QPCT: variants seen among roughly 807,000 people sequenced by gnomAD.
QPCT encodes glutaminyl-peptide cyclotransferase, also known as EC.
Under a neutral mutation model 43.4 loss-of-function variants are expected in QPCT, and 44 were observed. The ratio of observed to expected loss-of-function variants is 1.01; its 90% confidence interval spans 0.80 to 1.30. QPCT has a LOEUF of 1.30. Ranked by LOEUF, QPCT falls within the 50% of genes most tolerant of loss-of-function variation. The pLI is 0.00. For missense variants in QPCT, 526 were observed against 436.5 expected (o/e 1.21, Z -1.83); for synonymous variants, 168 against 168.4 (o/e 1.00, Z 0.02).
chr2:37,345,252 G>A (rs1039867747), intron 1 of QPCT, among the ~76,000 whole-genome samples: 4 of 152,230 alleles, frequency 2.6e-5, no homozygotes, highest in South Asian at 2.1e-4. Flanking sequence ...GGTGCGGGGT[G>A]CGCCTGGGGG....
At chr2:37,356,925 T>A (rs1169926398) in intron 2 of QPCT, among the ~76,000 whole-genome samples, 8 of 151,296 alleles carry the variant, frequency 5.3e-5, no homozygotes, top group African/African-American at 9.8e-5. Flanking sequence ...AGAATTTGCT[T>A]GAACCAGGGA....
At chr2:37,367,461 A>C in intron 4 of QPCT, 53 bp downstream of exon 4, 1 of 1,544,322 alleles carries the variant, frequency 6.5e-7, no homozygotes, top group Non-Finnish European at 8.8e-7. Context: ...GCTTCCAAGG[A>C]AAAGGTTGCA....
chr2:37,361,214 T>C (rs1672852089), intron 3 of QPCT, among the ~76,000 whole-genome samples: 1 of 152,226 alleles, frequency 6.6e-6, no homozygotes, highest in African/African-American at 2.4e-5. Context: ...CTTCCAGTTA[T>C]ATGTTTTAAC....
chr2:37,366,010 G>T (rs540699115), intron 3 of QPCT, among the ~76,000 whole-genome samples: 7 of 152,320 alleles, frequency 4.6e-5, no homozygotes, highest in Non-Finnish European at 7.4e-5. Context: ...TTTTTGCCAT[G>T]AAAGTTTGAC....
intron 3 of QPCT, among the ~76,000 whole-genome samples, chr2:37,360,443 T>C (rs1403081100): frequency 6.6e-6 from 1 of 152,238 alleles, no homozygotes; most frequent in Non-Finnish European, 1.5e-5. Flanking sequence ...GACTCTCAGA[T>C]GTTATTTCAG....
chr2:37,344,773 CCTG>C lies in QPCT; in HGVS notation c.52_54del (p.Leu18del), dbSNP rs754764043. 4 of 1,609,546 alleles carry C rather than the reference CCTG, an allele frequency of 2.5e-6. No individual in the cohort carries two copies. Among genetic ancestry groups the C allele is most frequent in the African/African-American group, 1.3e-5 (1 of 74,838 alleles). On this transcript the variant is annotated inframe_deletion, in exon 1 of 7. Coordinates refer to ENST00000338415, the MANE Select transcript of QPCT (RefSeq NM_012413.4). ...ACCGGCGCGTCGTGGGCACCCTCCA[CCTG>C]CTGCTGCTGGTGGCCGCCCTGCCCT...
At chr2:37,365,258 T>C (rs1672939699) in intron 3 of QPCT, among the ~76,000 whole-genome samples, 1 of 152,030 alleles carries the variant, frequency 6.6e-6, no homozygotes, top group South Asian at 2.1e-4. Flanking sequence ...CCATTAGTGC[T>C]AAGGTAGGAG....
intron 1 of QPCT, among the ~76,000 whole-genome samples, chr2:37,345,794 C>T (rs533511007): frequency 6.6e-6 from 1 of 150,600 alleles, no homozygotes; most frequent in Non-Finnish European, 1.5e-5. Flanking sequence ...CGAGATCGCG[C>T]CACTGCGCTC....
At chr2:37,361,096 C>T (rs1672850256) in intron 3 of QPCT, among the ~76,000 whole-genome samples, 1 of 152,032 alleles carries the variant, frequency 6.6e-6, no homozygotes, top group Non-Finnish European at 1.5e-5. Context: ...TTTGAATCAA[C>T]ATATATATTC....
chr2:37,361,073 A>G (rs772676360), intron 3 of QPCT, among the ~76,000 whole-genome samples: 11 of 152,216 alleles, frequency 7.2e-5, no homozygotes, highest in Non-Finnish European at 1.0e-4. Context: ...GATTGGGGTC[A>G]TCATTAAAAA....
intron 1 of QPCT, among the ~76,000 whole-genome samples, chr2:37,352,426 C>T (rs1406078488): frequency 5.3e-5 from 8 of 152,182 alleles, no homozygotes; most frequent in African/African-American, 9.7e-5. Flanking sequence ...TGGGCTCAAG[C>T]AATCCTCCCA....
intron 3 of QPCT, among the ~76,000 whole-genome samples, chr2:37,360,384 T>G (rs777988737): frequency 6.6e-6 from 1 of 152,196 alleles, no homozygotes; most frequent in African/African-American, 2.4e-5. Flanking sequence ...CTCCATTTTA[T>G]GTAGCATAGC....
chr2:37,366,350 T>G (rs1166779293), intron 3 of QPCT, among the ~76,000 whole-genome samples: 1 of 152,200 alleles, frequency 6.6e-6, no homozygotes, highest in Non-Finnish European at 1.5e-5. Context: ...TGCTTCTCAT[T>G]CTATCCAATT....
At chr2:37,365,255 T>G (rs1045622600) in intron 3 of QPCT, among the ~76,000 whole-genome samples, 8 of 152,082 alleles carry the variant, frequency 5.3e-5, no homozygotes, top group Non-Finnish European at 7.4e-5. Flanking sequence ...GAGCCATTAG[T>G]GCTAAGGTAG....
At chr2:37,346,103 G>A (rs4670692) in intron 1 of QPCT, among the ~76,000 whole-genome samples, 91,656 of 151,930 alleles carry the variant, frequency 0.6, 28,318 homozygotes, top group East Asian at 0.91. Context: ...TACAGGGCAC[G>A]CTGGTAAATG....
Position 37,359,802 on chromosome 2 carries a change from T to C in QPCT, c.490T>C (p.Cys164Arg). 2 of 1,614,240 alleles carry C rather than the reference T, an allele frequency of 1.2e-6. No individual in the cohort carries two copies. Among genetic ancestry groups the C allele is most frequent in the Non-Finnish European group, 1.7e-6 (2 of 1,180,030 alleles). Reference sequence around the variant, plus strand: ...AGGAGCCACTGATTCAGCCGTGCCATGTGCAATGATGTTGGAACTTGCTCG... The same window carrying C: ...AGGAGCCACTGATTCAGCCGTGCCACGTGCAATGATGTTGGAACTTGCTCG... Reference protein sequence around the residue: ...FVGATDSAVPCAMMLELARAL... With the variant: ...FVGATDSAVPRAMMLELARAL... Residue 164 changes from cysteine (C) to arginine (R), a missense_variant, in exon 3 of 7, where the codon TGT (cysteine) becomes CGT (arginine). Cys to Arg is a radical substitution (Grantham distance 180). Coordinates refer to ENST00000338415, the MANE Select transcript of QPCT (RefSeq NM_012413.4).
intron 3 of QPCT, among the ~76,000 whole-genome samples, chr2:37,360,686 G>T (rs1239501597): frequency 6.6e-6 from 1 of 152,120 alleles, no homozygotes; most frequent in African/African-American, 2.4e-5. Context: ...GAGATATTTG[G>T]TTCTATTTTT....
chr2:37,350,641 G>A (rs1296246305), intron 1 of QPCT, among the ~76,000 whole-genome samples: 1 of 152,150 alleles, frequency 6.6e-6, no homozygotes, highest in Non-Finnish European at 1.5e-5. Context: ...ATCTTTTTGT[G>A]GATTTACCTG....
chr2:37,372,648 T>C (rs1389912458), intron 6 of QPCT, 34 bp from the exon 7 acceptor site: 3 of 1,603,680 alleles, frequency 1.9e-6, no homozygotes, highest in African/African-American at 2.7e-5. Context: ...ACTGGAGTAA[T>C]GCACATTGTT....
Sources: gnomAD v4.1 joint callset for allele counts (sites outside exome capture counted in the v4.1 genomes callset) on GRCh38, gnomAD v4.1.1 for gene constraint, MANE v1.5 for transcripts, NCBI Gene and HGNC (gene_info 2026-07-23, HGNC 2026-07-21) for gene names.